Variants in SP1 observed in about 807,000 individuals in gnomAD.
The protein encoded by SP1 is Sp1 transcription factor, also known as transcription factor Sp1.
In SP1, 6 loss-of-function variants were observed where a neutral mutation model predicts 66.3. The ratio of observed to expected loss-of-function variants is 0.09; its 90% confidence interval spans 0.05 to 0.18. SP1 has a LOEUF of 0.18. SP1 is among the 10% of genes least tolerant of loss of function. The probability of loss-of-function intolerance (pLI) is 1.00; values close to 1 mark genes in which losing one functional copy is unlikely to be tolerated. For missense variants in SP1, 848 were observed against 964.5 expected, an observed-to-expected ratio of 0.88 and a Z score of 1.60; for synonymous variants, 417 against 360.8, an observed-to-expected ratio of 1.16 and a Z score of -1.77.
At chr12:53,396,098 C>T (rs912547586) in intron 3 of SP1, among the ~76,000 whole-genome samples, 4 of 151,160 alleles carry the variant, frequency 2.6e-5, no homozygotes, top group East Asian at 1.9e-4. Context: ...CCAGCCTGGG[C>T]GACAGAGTGA....
Position 53,382,767 on chromosome 12 carries a change from G to A in SP1, c.820G>A (p.Ala274Thr), listed in dbSNP as rs781050825. ...CTTGCTACCTGTCAACAGCGTTTCTGCAGCTACCTTGACTCCCAGCTCTCA... is the reference window on the plus strand; with the variant it reads ...CTTGCTACCTGTCAACAGCGTTTCTACAGCTACCTTGACTCCCAGCTCTCA... ...ITLLPVNSVS[A>T]ATLTPSSQAV... is the part of the protein sequence containing the mutation. The change falls in exon 3 of 6, where the codon GCA becomes ACA. Residue 274 changes from alanine to threonine, a missense_variant. By Grantham distance (58) the Ala-to-Thr change is moderately conservative. Transcript: ENST00000327443. 1.2e-6 allele frequency: 2 copies of A among 1,614,112 alleles called. No homozygotes were observed. Among genetic ancestry groups the A allele is most frequent in the East Asian group, 2.2e-5 (1 of 44,878 alleles).
At chr12:53,400,755 A>ATTTTTTT in intron 3 of SP1, among the ~76,000 whole-genome samples, 1 of 70,064 alleles carries the variant, frequency 1.4e-5, no homozygotes, top group Non-Finnish European at 2.8e-5. Flanking sequence ...CACTGGGCTA[A>ATTTTTTT]TTTTTTTTTT....
At position 53,409,551 on chromosome 12, in the gene SP1, T is replaced by C. The variant is rs1478172920; in HGVS notation, c.2034T>C (p.Arg678=). Reference sequence around the variant, plus strand: ...CGGATGAGCTACAGAGGCACAAACGTACACACACAGGTGAGCAAGAGCCTA... The same window carrying C: ...CGGATGAGCTACAGAGGCACAAACGCACACACACAGGTGAGCAAGAGCCTA... ...TRSDELQRHK[R]THTGEKKFAC... is the part of the protein sequence containing the mutation. Residue 678 remains arginine, a synonymous_variant, in exon 5 of 6, where the codon CGT becomes CGC. Transcript: ENST00000327443. 4 of 1,613,930 alleles carry C rather than the reference T, an allele frequency of 2.5e-6. No individual in the cohort carries two copies. In the East Asian group the frequency reaches 8.9e-5, roughly 36 times the overall value.
chr12:53,391,275 G>T (rs1267292259), intron 3 of SP1, among the ~76,000 whole-genome samples: 1 of 145,292 alleles, frequency 6.9e-6, no homozygotes, highest in African/African-American at 2.5e-5. Context: ...TGACTATATT[G>T]TTAATACTGT....
At position 53,414,093 on chromosome 12, in the gene SP1, A is replaced by G. The variant is rs1465174074; in HGVS notation, c.*2853A>G. The G allele has an allele frequency of 6.6e-6, 1 of 151,402 alleles. No individual in the cohort carries two copies. The highest frequency in any genetic ancestry group is 1.9e-4 in the East Asian group (1 of 5,176). 9.4% of individuals were successfully genotyped at this position (151,402 alleles called of 1,614,324 possible). On this transcript the variant is annotated 3_prime_UTR_variant, in exon 6 of 6. Transcript: ENST00000327443. ...CCTTGAGTCAGGAGCTTATTACAGA[A>G]AAACCCCGTTTCCCTGAACTTTTGG...
intron 3 of SP1, among the ~76,000 whole-genome samples, chr12:53,388,278 A>G (rs1023572191): frequency 3.3e-5 from 5 of 152,114 alleles, no homozygotes; most frequent in African/African-American, 1.2e-4. Flanking sequence ...GATCCTTGCA[A>G]TTTCTAAAAG....
At chr12:53,398,837 C>CA (rs1325121526) in intron 3 of SP1, among the ~76,000 whole-genome samples, 1 of 152,094 alleles carries the variant, frequency 6.6e-6, no homozygotes, top group Non-Finnish European at 1.5e-5. Context: ...TAAAAACAGT[C>CA]AAACAATGCA....
chr12:53,401,416 A>C (rs1204030882), intron 3 of SP1, among the ~76,000 whole-genome samples: 1 of 142,560 alleles, frequency 7.0e-6, no homozygotes, highest in Non-Finnish European at 1.5e-5. Flanking sequence ...GCGCCATTGC[A>C]CTCCAGCCTG....
chr12:53,380,234 C>G lies in SP1; in HGVS notation c.-58C>G. 1 of 1,219,762 alleles carries G rather than the reference C, an allele frequency of 8.2e-7. No homozygotes were observed. Among genetic ancestry groups the G allele is most frequent in the Non-Finnish European group, 1.2e-6 (1 of 827,364 alleles). The allele number at this position is 1,219,762 out of a possible 1,614,324, so 75.6% of individuals were successfully genotyped here. ...GCCTCGTCAGCGTCCGCGTTTTTCCCGGCCCCCCCCAACCCCCCCGGACAG... is the reference window on the plus strand; with the variant it reads ...GCCTCGTCAGCGTCCGCGTTTTTCCGGGCCCCCCCCAACCCCCCCGGACAG... On this transcript the variant is annotated 5_prime_UTR_variant, in exon 1 of 6. Coordinates refer to ENST00000327443, the MANE Select transcript of SP1 (RefSeq NM_138473.3).
rs1048202868 is a variant in SP1, at chr12:53,404,046, C to T, written c.1676-2539C>T. Among the ~76,000 whole-genome samples the T allele has an allele frequency of 8.6e-5, 13 of 151,856 alleles. 1 individual carries two copies. Among genetic ancestry groups the T allele is most frequent in the Admixed American group, 7.9e-4 (12 of 15,228 alleles). On this transcript the variant is annotated intron_variant, in intron 3 of 5. Transcript: ENST00000327443. Reference sequence around the variant, plus strand: ...GTTAGCCGGGCGTGGTGACGGGCGCCTGTAGTCCCACCTACTAGGGAGGCT... The same window carrying T: ...GTTAGCCGGGCGTGGTGACGGGCGCTTGTAGTCCCACCTACTAGGGAGGCT...
chr12:53,380,841 GTAGA>G (rs1375144269), intron 1 of SP1, among the ~76,000 whole-genome samples: 2 of 149,132 alleles, frequency 1.3e-5, no homozygotes, highest in Non-Finnish European at 3.0e-5. Flanking sequence ...CTACTAACCT[GTAGA>G]TCCCTTTAGT....
At chr12:53,407,169 A>G (rs1425773747) in intron 4 of SP1, among the ~76,000 whole-genome samples, 1 of 151,114 alleles carries the variant, frequency 6.6e-6, no homozygotes, top group African/African-American at 2.4e-5. Flanking sequence ...AGCTGGATGC[A>G]TATAATCCCA....
chr12:53,406,733 C>T lies in SP1; in HGVS notation c.1824C>T (p.Tyr608=), dbSNP rs1427447018. ...GGCGGGAAGCATGCACCTGCCCCTA[C>T]TGTAAAGACAGTGAAGGAAGGTGAG... ...RTRREACTCP[Y]CKDSEGRGSG... is the part of the protein sequence containing the mutation. The change falls in exon 4 of 6, where the codon TAC becomes TAT. Residue 608 remains tyrosine, a synonymous_variant. Coordinates refer to ENST00000327443, the MANE Select transcript of SP1 (RefSeq NM_138473.3). 6.2e-7 allele frequency: 1 copy of T among 1,613,568 alleles called. No homozygotes were observed. Among genetic ancestry groups the T allele is most frequent in the Non-Finnish European group, 8.5e-7 (1 of 1,179,946 alleles).
At chr12:53,381,431 GTTTAAT>G (rs1215951244) in intron 1 of SP1, 2 of 377,714 alleles carry the variant, frequency 5.3e-6, no homozygotes, top group Non-Finnish European at 9.5e-6. Context: ...TGTTTTCTTA[GTTTAAT>G]TTTGTACAAG....
Position 53,383,291 on chromosome 12 carries a change from C to T in SP1, c.1344C>T (p.Pro448=). Residue 448 remains proline (P), a synonymous_variant, in exon 3 of 6, where the codon CCC becomes CCT. Transcript: ENST00000327443. The part of the protein sequence containing the change: ...LQLQAVPNSG[P]IIIRTPTVGP... ...TTCAGGCTGTTCCAAACTCTGGTCC[C>T]ATCATCATCCGGACACCAACAGTGG... 2.5e-6 allele frequency: 4 copies of T among 1,614,236 alleles called. No individual in the cohort carries two copies. Among genetic ancestry groups the T allele is most frequent in the Non-Finnish European group, 3.4e-6 (4 of 1,180,046 alleles).
intron 3 of SP1, among the ~76,000 whole-genome samples, chr12:53,400,629 C>T (rs765532231): frequency 6.6e-6 from 1 of 151,884 alleles, no homozygotes; most frequent in South Asian, 2.1e-4. Flanking sequence ...AGCCTTGCTC[C>T]GTCGCCCAGG....
chr12:53,393,415 G>C (rs549186436), intron 3 of SP1, among the ~76,000 whole-genome samples: 16 of 151,998 alleles, frequency 1.1e-4, no homozygotes, highest in Admixed American at 8.5e-4. Flanking sequence ...CTCCTGAGTA[G>C]CTGGGATTAC....
intron 3 of SP1, among the ~76,000 whole-genome samples, chr12:53,388,937 G>A (rs1330098528): frequency 6.7e-6 from 1 of 149,368 alleles, no homozygotes; most frequent in African/African-American, 2.5e-5. Context: ...CCATGATCAC[G>A]CCACAGCACT....
At chr12:53,394,539 T>G (rs1938432495) in intron 3 of SP1, among the ~76,000 whole-genome samples, 2 of 149,552 alleles carry the variant, frequency 1.3e-5, no homozygotes, top group Admixed American at 6.7e-5. Flanking sequence ...AAATGTTGGG[T>G]TTACGGATAT....
Sources: allele counts gnomAD v4.1 joint callset (sites outside exome capture counted in the v4.1 genomes callset), GRCh38; gene constraint gnomAD v4.1.1; transcripts MANE v1.5; gene names NCBI Gene and HGNC (gene_info 2026-07-23, HGNC 2026-07-21).